KCNH7: variants seen among roughly 807,000 people sequenced by gnomAD.
KCNH7 encodes the protein voltage-gated inwardly rectifying potassium channel KCNH7.
In KCNH7, 49 loss-of-function variants were observed where a neutral mutation model predicts 120.8. The observed-to-expected ratio is 0.41, with a 90% CI of 0.32 to 0.51. The LOEUF is 0.51. Ranked by LOEUF, KCNH7 falls within the 20% of genes least tolerant of loss-of-function variation. The probability of loss-of-function intolerance (pLI) is 0.38; values close to 1 mark genes in which losing one functional copy is unlikely to be tolerated. For synonymous variants in KCNH7, 547 were observed against 516.1 expected, an observed-to-expected ratio of 1.06 and a Z score of -0.81; for missense variants, 1,097 against 1,446.6, an observed-to-expected ratio of 0.76 and a Z score of 3.92.
intron 2 of KCNH7, among the ~76,000 whole-genome samples, chr2:162,687,975 C>A (rs115897252): frequency 0.02 from 3,006 of 152,124 alleles, 105 homozygotes; most frequent in African/African-American, 0.068. Context: ...AATTAAAAAG[C>A]AAATTTACTA....
intron 14 of KCNH7, among the ~76,000 whole-genome samples, chr2:162,376,652 G>A (rs1324118446): frequency 6.6e-6 from 1 of 152,014 alleles, no homozygotes; most frequent in Admixed American, 6.6e-5. Context: ...GTGAGCCACC[G>A]CGCCTGGCCA....
intron 2 of KCNH7, among the ~76,000 whole-genome samples, chr2:162,770,938 G>C (rs905419890): frequency 6.6e-6 from 1 of 151,954 alleles, no homozygotes; most frequent in Non-Finnish European, 1.5e-5. Flanking sequence ...CTTTCTTCTA[G>C]TTTCTATGGT....
At chr2:162,400,589 A>G (rs1687039573) in intron 9 of KCNH7, 148 bp from the exon 10 acceptor site, 2 of 740,824 alleles carry the variant, frequency 2.7e-6, no homozygotes, top group Non-Finnish European at 4.4e-6. Flanking sequence ...ACCTTAATGA[A>G]TACTTGATTT....
chr2:162,554,080 G>T (rs1559011524), intron 2 of KCNH7, among the ~76,000 whole-genome samples: 1 of 152,156 alleles, frequency 6.6e-6, no homozygotes, highest in Non-Finnish European at 1.5e-5. Flanking sequence ...AATGTTTACA[G>T]GGAACAAAGA....
chr2:162,409,264 A>G (rs1255255467), intron 9 of KCNH7, among the ~76,000 whole-genome samples: 1 of 151,878 alleles, frequency 6.6e-6, no homozygotes, highest in Non-Finnish European at 1.5e-5. Context: ...ATGGGCTGAT[A>G]CAGAAAATAT....
At chr2:162,613,315 A>G (rs1254991370) in intron 2 of KCNH7, among the ~76,000 whole-genome samples, 1 of 152,062 alleles carries the variant, frequency 6.6e-6, no homozygotes, top group Non-Finnish European at 1.5e-5. Context: ...AGGAGACAGT[A>G]GAACAATTCT....
In KCNH7 at chr2:162,373,496, C is replaced by T; in HGVS notation, c.3298G>A (p.Asp1100Asn). The change falls in exon 15 of 16, where the codon GAC (aspartate) becomes AAC (asparagine). Residue 1100 changes from aspartate (D) to asparagine (N), a missense_variant. By Grantham distance (23) the Asp-to-Asn change is conservative. Around this residue, in one of 8 missense-constraint regions of KCNH7, gnomAD observed 406 missense variants for 410.5 expected, o/e 0.99. Coordinates refer to ENST00000332142, the MANE Select transcript of KCNH7 (RefSeq NM_033272.4). ...TSQPEASIKTDRSFSPSSQCP... is the reference protein window; with the variant it reads ...TSQPEASIKTNRSFSPSSQCP... The stretch of plus-strand genomic sequence containing the variant: ...TGTGAGGAAGGGCTGAAACTTCGGT[C>T]AGTTTTGATGGATGCTTCCGGTTGA... The T allele has an allele frequency of 6.4e-7, 1 of 1,556,564 alleles. No individual in the cohort carries two copies. Among genetic ancestry groups the T allele is most frequent in the Non-Finnish European group, 8.7e-7 (1 of 1,151,138 alleles).
At chr2:162,470,421 C>G (rs1467806236) in intron 6 of KCNH7, among the ~76,000 whole-genome samples, 3 of 150,906 alleles carry the variant, frequency 2.0e-5, no homozygotes, top group Admixed American at 1.3e-4. Context: ...TGAGGAGACC[C>G]TACGCCCGGC....
intron 2 of KCNH7, among the ~76,000 whole-genome samples, chr2:162,818,542 T>C (rs1200543730): frequency 6.7e-6 from 1 of 150,364 alleles, no homozygotes; most frequent in Non-Finnish European, 1.5e-5. Flanking sequence ...TTCTTTTCCA[T>C]GTTTCTTTGG....
At chr2:162,462,339 T>G in intron 6 of KCNH7, among the ~76,000 whole-genome samples, 1 of 152,044 alleles carries the variant, frequency 6.6e-6, no homozygotes, top group East Asian at 1.9e-4. Flanking sequence ...TTAAAGCAAT[T>G]TAGAGTGTTT....
chr2:162,571,004 C>T (rs1181255998), intron 2 of KCNH7, among the ~76,000 whole-genome samples: 1 of 152,020 alleles, frequency 6.6e-6, no homozygotes, highest in Non-Finnish European at 1.5e-5. Flanking sequence ...GATGCCCTCT[C>T]TCATCACTCC....
chr2:162,468,889 T>C (rs1689399091), intron 6 of KCNH7, among the ~76,000 whole-genome samples: 2 of 151,816 alleles, frequency 1.3e-5, no homozygotes, highest in Admixed American at 6.6e-5. Context: ...CTTGCTCTGT[T>C]GACCAGGCTG....
intron 2 of KCNH7, among the ~76,000 whole-genome samples, chr2:162,809,617 G>A (rs7601793): frequency 0.6 from 90,899 of 151,936 alleles, 28,209 homozygotes; most frequent in South Asian, 0.84. Context: ...TTTGGGGAGA[G>A]TAAGACCATT....
intron 3 of KCNH7, among the ~76,000 whole-genome samples, chr2:162,533,772 G>A (rs148125476): frequency 1.3e-5 from 2 of 151,620 alleles, no homozygotes; most frequent in East Asian, 3.9e-4. Flanking sequence ...CATATCTGGA[G>A]GACAGGAAAT....
intron 2 of KCNH7, among the ~76,000 whole-genome samples, chr2:162,805,071 A>T (rs149317712): frequency 0.024 from 3,671 of 151,938 alleles, 138 homozygotes; most frequent in African/African-American, 0.078. Context: ...TCTCACCCTA[A>T]ACAAAAATCA....
At chr2:162,470,960 C>G (rs890582508) in intron 6 of KCNH7, among the ~76,000 whole-genome samples, 1 of 152,126 alleles carries the variant, frequency 6.6e-6, no homozygotes, top group Admixed American at 6.5e-5. Flanking sequence ...AACCCTGTGC[C>G]CTCTGAAACA....
chr2:162,713,192 T>C (rs1057128293), intron 2 of KCNH7, among the ~76,000 whole-genome samples: 4 of 152,058 alleles, frequency 2.6e-5, no homozygotes, highest in Non-Finnish European at 4.4e-5. Context: ...AAAGCAGACA[T>C]AGACGACGTA....
At chr2:162,738,341 G>T (rs1687996013) in intron 2 of KCNH7, among the ~76,000 whole-genome samples, 1 of 152,118 alleles carries the variant, frequency 6.6e-6, no homozygotes, top group African/African-American at 2.4e-5. Flanking sequence ...ACCTACCCTT[G>T]TTGACTACCA....
chr2:162,748,600 C>A (rs1162267719), intron 2 of KCNH7, among the ~76,000 whole-genome samples: 1 of 152,108 alleles, frequency 6.6e-6, no homozygotes, highest in Non-Finnish European at 1.5e-5. Flanking sequence ...AACAGACATT[C>A]TTTTCCTTCC....
Sources: allele counts gnomAD v4.1 joint callset (sites outside exome capture counted in the v4.1 genomes callset), GRCh38; gene constraint gnomAD v4.1.1; regional missense constraint gnomAD v4.1.1; transcripts MANE v1.5; gene names NCBI Gene and HGNC (gene_info 2026-07-23, HGNC 2026-07-21).